The following FARP1 variants were observed in gnomAD, a reference collection of about 807,000 sequenced individuals.
The protein encoded by FARP1 is FERM, ARHGEF and pleckstrin domain-containing protein 1.
In FARP1, 52 loss-of-function variants were observed where a neutral mutation model predicts 128.8. The ratio of observed to expected loss-of-function variants is 0.40; its 90% CI spans 0.32 to 0.51. The LOEUF (loss-of-function observed/expected upper bound fraction) is 0.51, where lower values mean the gene tolerates loss of function less well. Among genes scored for constraint, FARP1 ranks in the 20% least tolerant of loss-of-function variants. The pLI, the probability that FARP1 is intolerant of heterozygous loss-of-function variation, is 0.45. For missense variants in FARP1, 1,333 were observed against 1,367.9 expected, an observed-to-expected ratio of 0.97 and a Z score of 0.40; for synonymous variants, 580 against 551.8, an observed-to-expected ratio of 1.05 and a Z score of -0.72.
chr13:98,382,765 C>G (rs1395681157), intron 6 of FARP1, among the ~76,000 whole-genome samples: 2 of 151,982 alleles, frequency 1.3e-5, no homozygotes, highest in African/African-American at 4.8e-5. Flanking sequence ...AATAAGTATC[C>G]TTTTCATGGT....
rs1277382248 is a variant in FARP1 at position 98,379,189 on chromosome 13, A to G, written c.496+1271A>G. 2.1e-4 allele frequency among the ~76,000 whole-genome samples: 15 copies of G among 71,394 alleles called. 4 individuals carry two copies. Among genetic ancestry groups the G allele is most frequent in the African/African-American group, 1.0e-3 (13 of 12,540 alleles). The allele number at this position is 71,394 out of a possible 152,430, so 46.8% of individuals were successfully genotyped here. On this transcript the variant is annotated intron_variant, in intron 6 of 26. Transcript: ENST00000319562. ...TATATAATCTATATATAATATATAT[A>G]ATATATAATATATATATAATATATA...
intron 2 of FARP1, among the ~76,000 whole-genome samples, chr13:98,339,575 C>T (rs975653210): frequency 2.0e-5 from 3 of 152,088 alleles, no homozygotes; most frequent in South Asian, 2.1e-4. Flanking sequence ...ATGTTACATA[C>T]GGAGTTTCCT....
chr13:98,426,695 A>G (rs1385097046), intron 17 of FARP1, among the ~76,000 whole-genome samples: 9 of 152,178 alleles, frequency 5.9e-5, no homozygotes, highest in Non-Finnish European at 8.8e-5. Context: ...ACCCTTTGCA[A>G]TTTGAGGCAA....
At chr13:98,423,888 A>G (rs1891684365) in intron 16 of FARP1, among the ~76,000 whole-genome samples, 1 of 152,102 alleles carries the variant, frequency 6.6e-6, no homozygotes, top group Non-Finnish European at 1.5e-5. Flanking sequence ...TGTACCCCAA[A>G]CCTCACTGAA....
At chr13:98,386,454 A>C (rs1198751834) in intron 8 of FARP1, among the ~76,000 whole-genome samples, 1 of 152,182 alleles carries the variant, frequency 6.6e-6, no homozygotes, top group Non-Finnish European at 1.5e-5. Flanking sequence ...TTCATTGATC[A>C]ATGCTTCTCT....
chr13:98,242,969 C>T (rs1189547989), intron 2 of FARP1, among the ~76,000 whole-genome samples: 1 of 152,178 alleles, frequency 6.6e-6, no homozygotes, highest in African/African-American at 2.4e-5. Flanking sequence ...GGTACTTTCA[C>T]TGCTCACTTT....
At chr13:98,381,926 G>A (rs1163164859) in intron 6 of FARP1, among the ~76,000 whole-genome samples, 1 of 152,162 alleles carries the variant, frequency 6.6e-6, no homozygotes, top group Non-Finnish European at 1.5e-5. Context: ...ACCCAGGCAG[G>A]AGGATCTCTG....
At chr13:98,296,961 G>T (rs188839502) in intron 2 of FARP1, among the ~76,000 whole-genome samples, 172 of 152,188 alleles carry the variant, frequency 1.1e-3, no homozygotes, top group African/African-American at 4.0e-3. Flanking sequence ...GGGATTACAC[G>T]GCCCTAAATG....
intron 2 of FARP1, among the ~76,000 whole-genome samples, chr13:98,317,607 G>T (rs550248755): frequency 1.3e-5 from 2 of 151,624 alleles, no homozygotes; most frequent in South Asian, 4.2e-4. Context: ...TAAAGATGGG[G>T]TTTGAGTTTT....
At chr13:98,275,610 C>A (rs533908718) in intron 2 of FARP1, among the ~76,000 whole-genome samples, 1 of 147,340 alleles carries the variant, frequency 6.8e-6, no homozygotes, top group African/African-American at 2.5e-5. Context: ...GGTCCCCCCA[C>A]TTCTTTTCTC....
chr13:98,446,428 C>T (rs1396105703), intron 25 of FARP1: 7 of 602,498 alleles, frequency 1.2e-5, no homozygotes, highest in Non-Finnish European at 1.8e-5. Flanking sequence ...GAAGGGCCAC[C>T]TGTCTTCTGC....
intron 2 of FARP1, among the ~76,000 whole-genome samples, chr13:98,261,229 C>G (rs1375629213): frequency 6.6e-6 from 1 of 152,160 alleles, no homozygotes; most frequent in African/African-American, 2.4e-5. Context: ...AGAGGAGATG[C>G]CCGGGCCAGG....
At chr13:98,175,672 A>G (rs1289176654) in intron 1 of FARP1, 1 of 160,516 alleles carries the variant, frequency 6.2e-6, no homozygotes, top group African/African-American at 2.4e-5. Flanking sequence ...CCCATTAAAC[A>G]ACAGCTCCCC....
At chr13:98,377,069 G>A (rs543118939) in intron 5 of FARP1, among the ~76,000 whole-genome samples, 14 of 152,032 alleles carry the variant, frequency 9.2e-5, no homozygotes, top group African/African-American at 2.4e-4. Flanking sequence ...TTGGGAGGCC[G>A]AGGTGGGCAG....
chr13:98,175,849 T>C (rs1034346885), intron 1 of FARP1: 3 of 329,358 alleles, frequency 9.1e-6, no homozygotes, highest in Non-Finnish European at 1.7e-5. Flanking sequence ...AGTTGTAGCA[T>C]GTGATCCTTA....
At chr13:98,263,506 A>G (rs901931694) in intron 2 of FARP1, among the ~76,000 whole-genome samples, 1 of 152,230 alleles carries the variant, frequency 6.6e-6, no homozygotes, top group African/African-American at 2.4e-5. Context: ...CTGTTCTCAA[A>G]AGAGAAAAAA....
intron 8 of FARP1, 86 bp from the exon 9 acceptor site, chr13:98,388,297 C>T: frequency 1.0e-6 from 1 of 956,554 alleles, no homozygotes; most frequent in Non-Finnish European, 1.7e-6. Context: ...CAGCCCTCTT[C>T]CTTTAGCTCC....
chr13:98,452,412 C>T lies in FARP1; in HGVS notation c.*4095C>T, dbSNP rs919798689. 2 of 152,564 alleles carry T rather than the reference C, an allele frequency of 1.3e-5. No individual in the cohort carries two copies. Among genetic ancestry groups the T allele is most frequent in the South Asian group, 2.1e-4 (1 of 4,812 alleles). The allele number at this position is 152,564 out of a possible 1,614,324, so 9.5% of individuals were successfully genotyped here. ...TTAAAACACTAAGAAATAGTACCAT[C>T]GATGAAAAAGGAAATCAACCTCTAG... is the stretch of plus-strand genomic sequence containing the variant. On this transcript the variant is annotated 3_prime_UTR_variant, in exon 27 of 27. Transcript: ENST00000319562.
intron 2 of FARP1, among the ~76,000 whole-genome samples, chr13:98,319,027 ATC>A (rs1249108971): frequency 7.1e-6 from 1 of 140,274 alleles, no homozygotes; most frequent in Non-Finnish European, 1.5e-5. Flanking sequence ...CAGTGGCAGG[ATC>A]TCAGCTCACT....
Sources: allele counts gnomAD v4.1 joint callset (sites outside exome capture counted in the v4.1 genomes callset), GRCh38; gene constraint gnomAD v4.1.1; transcripts MANE v1.5; gene names NCBI Gene and HGNC (gene_info 2026-07-23, HGNC 2026-07-21).